Variants in MGAT4C observed in about 807,000 individuals in gnomAD.
The protein encoded by MGAT4C is alpha-1,3-mannosyl-glycoprotein 4-beta-N-acetylglucosaminyltransferase C.
In MGAT4C, 19 loss-of-function variants were observed where a neutral mutation model predicts 40.1. That is an observed-to-expected ratio of 0.47 (90% CI 0.33 to 0.70). The LOEUF (loss-of-function observed/expected upper bound fraction) is 0.70. MGAT4C is among the 30% of genes least tolerant of loss of function. The pLI is 0.02. For synonymous variants in MGAT4C, 181 were observed against 187.1 expected (o/e 0.97, Z 0.27); for missense variants, 491 against 563.2 (o/e 0.87, Z 1.30).
At chr12:86,269,974 C>T (rs981708031) in intron 4 of MGAT4C, among the ~76,000 whole-genome samples, 6 of 151,922 alleles carry the variant, frequency 3.9e-5, no homozygotes, top group African/African-American at 7.2e-5. Context: ...AGTATATTCA[C>T]GCTGTTGTAC....
intron 1 of MGAT4C, among the ~76,000 whole-genome samples, chr12:86,240,018 G>C (rs1397087834): frequency 1.1e-5 from 1 of 95,016 alleles, no homozygotes; most frequent in Non-Finnish European, 2.0e-5. Context: ...CTAAAACTTA[G>C]AGTATAATAA....
chr12:86,630,051 TA>T (rs1355919227), intron 2 of MGAT4C, among the ~76,000 whole-genome samples: 5 of 151,766 alleles, frequency 3.3e-5, no homozygotes, highest in Non-Finnish European at 7.4e-5. Context: ...ATAGATACAA[TA>T]AAAAATGATA....
intron 2 of MGAT4C, among the ~76,000 whole-genome samples, chr12:86,666,053 A>G (rs1964097114): frequency 6.6e-6 from 1 of 152,230 alleles, no homozygotes; most frequent in African/African-American, 2.4e-5. Flanking sequence ...CACTTGGCCA[A>G]TGAAACTGGA....
chr12:86,774,372 TTCTG>T lies in MGAT4C; in HGVS notation c.-261-47135_-261-47132del, dbSNP rs1217003493. Among the ~76,000 whole-genome samples the T allele has an allele frequency of 4.4e-4, 46 of 105,246 alleles. 7 individuals carry two copies. The highest frequency in any genetic ancestry group is 1.6e-3 in the African/African-American group (41 of 26,222). 69.0% of individuals were successfully genotyped at this position (105,246 alleles called of 152,430 possible). On this transcript the variant is annotated intron_variant, in intron 1 of 7. Transcript: ENST00000548651. ...CTCTCTCCCCTCTCTCTCTCTCTCT[TTCTG>T]TCTGTCTCTCTCTCTCTCTCCTCTC... is the stretch of plus-strand genomic sequence containing the variant.
At chr12:86,738,137 C>T (rs918881155) in intron 1 of MGAT4C, among the ~76,000 whole-genome samples, 1 of 151,474 alleles carries the variant, frequency 6.6e-6, no homozygotes, top group African/African-American at 2.4e-5. Context: ...CATTTGTACT[C>T]AGTCATTGCC....
intron 1 of MGAT4C, among the ~76,000 whole-genome samples, chr12:86,764,950 G>C (rs1365057921): frequency 1.3e-5 from 2 of 152,106 alleles, no homozygotes; most frequent in Non-Finnish European, 2.9e-5. Context: ...ACTCTAAAAA[G>C]CAGAGCGCCT....
In MGAT4C at chr12:85,964,254, A is replaced by C. The variant is rs1281836987; in HGVS notation, c.*15035T>G. The C allele has an allele frequency of 6.6e-6, 1 of 152,098 alleles. No individual in the cohort carries two copies. The highest frequency in any genetic ancestry group is 2.4e-5 in the African/African-American group (1 of 41,460). 9.4% of individuals were successfully genotyped at this position (152,098 alleles called of 1,614,324 possible). A position where few individuals can be genotyped will look rare whatever the true frequency, so the allele number is the denominator to read the frequency against. On this transcript the variant is annotated 3_prime_UTR_variant, in exon 5 of 5. Transcript: ENST00000611864. ...TTACTGCTAAAAAATTCTTTCATAG[A>C]AATTCTTGGATTTTGAAATTAGTTT...
intron 1 of MGAT4C, among the ~76,000 whole-genome samples, chr12:86,826,857 T>C (rs986059876): frequency 3.3e-5 from 5 of 151,392 alleles, no homozygotes; most frequent in Admixed American, 1.3e-4. Flanking sequence ...TTTATAATTT[T>C]AGTCTATGTA....
At chr12:86,651,707 A>G (rs1267099178) in intron 2 of MGAT4C, among the ~76,000 whole-genome samples, 2 of 151,822 alleles carry the variant, frequency 1.3e-5, no homozygotes, top group African/African-American at 4.8e-5. Flanking sequence ...TAATAATATC[A>G]CTTTTTTAAA....
intron 1 of MGAT4C, among the ~76,000 whole-genome samples, chr12:86,751,159 A>C (rs1488187864): frequency 1.3e-5 from 2 of 151,960 alleles, no homozygotes; most frequent in African/African-American, 4.8e-5. Context: ...AACAAAATCC[A>C]CTGGTATGCA....
chr12:86,160,096 G>T (rs959573892), intron 1 of MGAT4C, among the ~76,000 whole-genome samples: 1 of 151,670 alleles, frequency 6.6e-6, no homozygotes, highest in African/African-American at 2.4e-5. Context: ...GAGTTTATTT[G>T]CTCTTTTTTT....
intron 3 of MGAT4C, among the ~76,000 whole-genome samples, chr12:86,339,348 T>C (rs1272776219): frequency 6.6e-6 from 1 of 152,186 alleles, no homozygotes; most frequent in African/African-American, 2.4e-5. Context: ...CTGTGGGCAA[T>C]AGTAGAATAA....
chr12:86,684,001 G>A (rs1950027972), intron 2 of MGAT4C, among the ~76,000 whole-genome samples: 1 of 152,054 alleles, frequency 6.6e-6, no homozygotes, highest in Admixed American at 6.5e-5. Flanking sequence ...TTTCCTTTGA[G>A]TGGAATTATT....
At chr12:86,011,881 C>G in intron 2 of MGAT4C, 2 of 984,478 alleles carry the variant, frequency 2.0e-6, no homozygotes, top group Non-Finnish European at 1.2e-6. Flanking sequence ...ATAATATAAA[C>G]TTCCATGTCA....
chr12:86,487,594 T>C (rs537204708), intron 2 of MGAT4C, among the ~76,000 whole-genome samples: 2 of 152,330 alleles, frequency 1.3e-5, no homozygotes, highest in East Asian at 3.9e-4. Flanking sequence ...TTGACAAATG[T>C]CTGAAGATTT....
Position 86,748,346 on chromosome 12 carries a change from G to T in MGAT4C, c.-261-21105C>A, listed in dbSNP as rs955068323. Among the ~76,000 whole-genome samples the T allele has an allele frequency of 9.2e-5, 14 of 151,722 alleles. No homozygotes were observed. The East Asian group carries it at 1.4e-3, about 15-fold the overall frequency. ...CCTCTGAATAATATCAAGAATTTATGATTATAGAAACTGGAAGCCTGGCGA... is the reference window on the plus strand; with the variant it reads ...CCTCTGAATAATATCAAGAATTTATTATTATAGAAACTGGAAGCCTGGCGA... On this transcript the variant is annotated intron_variant, in intron 1 of 7. Transcript: ENST00000548651.
At chr12:86,147,851 T>C (rs1490614259) in intron 1 of MGAT4C, among the ~76,000 whole-genome samples, 2 of 152,114 alleles carry the variant, frequency 1.3e-5, no homozygotes, top group Admixed American at 1.3e-4. Context: ...GATATATAGG[T>C]AAGGGATCCA....
chr12:86,801,631 C>T (rs945670171), intron 1 of MGAT4C, among the ~76,000 whole-genome samples: 1 of 151,704 alleles, frequency 6.6e-6, no homozygotes, highest in South Asian at 2.1e-4. Context: ...ACTAAGAACT[C>T]CTGGACATGT....
intron 3 of MGAT4C, among the ~76,000 whole-genome samples, chr12:86,429,398 A>G (rs752650811): frequency 2.0e-5 from 3 of 152,104 alleles, no homozygotes; most frequent in Non-Finnish European, 4.4e-5. Context: ...ATTCTGAATA[A>G]TGTTTGTTTG....
Sources: gnomAD v4.1 joint callset for allele counts (sites outside exome capture counted in the v4.1 genomes callset) on GRCh38, gnomAD v4.1.1 for gene constraint, MANE v1.5 for transcripts, NCBI Gene and HGNC (gene_info 2026-07-23, HGNC 2026-07-21) for gene names.